The following PCDHGA2 variants were observed in gnomAD, a reference collection of about 807,000 sequenced individuals.
PCDHGA2 encodes the protein protocadherin gamma-A2.
Under a neutral mutation model 59.2 loss-of-function variants are expected in PCDHGA2, and 40 were observed. That is an observed-to-expected ratio of 0.68 (90% CI 0.52 to 0.88). The LOEUF (loss-of-function observed/expected upper bound fraction) is 0.88, where lower values mean the gene tolerates loss of function less well. Ranked by LOEUF, PCDHGA2 falls within the 40% of genes least tolerant of loss-of-function variation. PCDHGA2 has a pLI of 0.00. For synonymous variants in PCDHGA2, 560 were observed against 526.0 expected (o/e 1.06, Z -0.89); for missense variants, 1,226 against 1,204.0 (o/e 1.02, Z -0.27).
At chr5:141,390,432 C>A in intron 1 of PCDHGA2, 2 of 985,350 alleles carry the variant, frequency 2.0e-6, no homozygotes, top group Admixed American at 2.8e-5. Context: ...GCTGTCATAT[C>A]ATTCTACAAA....
rs1253651725 is a variant in PCDHGA2, at chr5:141,340,535, T to A, written c.1564T>A (p.Tyr522Asn). The A allele has an allele frequency of 6.2e-7, 1 of 1,614,092 alleles. No individual in the cohort carries two copies. Among genetic ancestry groups the A allele is most frequent in the East Asian group, 2.2e-5 (1 of 44,882 alleles). The change falls in exon 1 of 4, where the codon TAT (tyrosine) becomes AAT (asparagine). Residue 522 changes from tyrosine (Y) to asparagine (N), a missense_variant. Coordinates refer to ENST00000394576, the MANE Select transcript of PCDHGA2 (RefSeq NM_018915.4). ...GVLYALRSFD[Y>N]EQLRDLQVWV... Reference sequence around the variant, plus strand: ...ACTCTATGCACTGCGCTCCTTTGATTATGAGCAGTTGCGAGACTTGCAAGT... The same window carrying A: ...ACTCTATGCACTGCGCTCCTTTGATAATGAGCAGTTGCGAGACTTGCAAGT...
chr5:141,373,897 C>T, intron 1 of PCDHGA2: 1 of 537,056 alleles, frequency 1.9e-6, no homozygotes, highest in Non-Finnish European at 3.1e-6. Flanking sequence ...ACTCAAGTTA[C>T]ATCCTCCAAC....
intron 1 of PCDHGA2, among the ~76,000 whole-genome samples, chr5:141,481,700 T>C (rs1283509788): frequency 2.0e-5 from 3 of 152,034 alleles, no homozygotes; most frequent in Non-Finnish European, 4.4e-5. Context: ...ACGCCTGTAA[T>C]CCCAGCACTT....
chr5:141,454,351 C>T (rs1406631649), intron 1 of PCDHGA2, among the ~76,000 whole-genome samples: 2 of 152,152 alleles, frequency 1.3e-5, no homozygotes, highest in Non-Finnish European at 2.9e-5. Flanking sequence ...GAAGTTGATC[C>T]AAACTTAGAA....
At chr5:141,347,177 T>TTCTC (rs1363306035) in intron 1 of PCDHGA2, among the ~76,000 whole-genome samples, 31 of 147,210 alleles carry the variant, frequency 2.1e-4, no homozygotes, top group African/African-American at 7.5e-4. Context: ...CTTTCTTTCT[T>TTCTC]TCTTGACAGG....
intron 1 of PCDHGA2, chr5:141,362,510 A>C: frequency 6.2e-7 from 1 of 1,613,948 alleles, no homozygotes; most frequent in Non-Finnish European, 8.5e-7. Flanking sequence ...CAAAATACAA[A>C]TCATGGAGCC....
chr5:141,459,315 T>A (rs2154566534), intron 1 of PCDHGA2, among the ~76,000 whole-genome samples: 1 of 152,362 alleles, frequency 6.6e-6, no homozygotes, highest in Non-Finnish European at 1.5e-5. Flanking sequence ...CTATTTTGTA[T>A]CCATCTTCTT....
intron 1 of PCDHGA2, chr5:141,374,914 A>G: frequency 6.2e-7 from 1 of 1,613,906 alleles, no homozygotes; most frequent in African/African-American, 1.3e-5. Context: ...ACGGGGAAGT[A>G]ACTTATTCCT....
rs1456176347 is a variant in PCDHGA2 at position 141,510,961 on chromosome 5, A to G, written c.2587A>G (p.Ser863Gly). 2 of 1,613,986 alleles carry G rather than the reference A, an allele frequency of 1.2e-6. No individual in the cohort carries two copies. Among genetic ancestry groups the G allele is most frequent in the Non-Finnish European group, 1.7e-6 (2 of 1,179,962 alleles). ...TGTCTCTGCAGAAGCTGCTGATGGG[A>G]GCTCCACCCTGGGAGGGGGTGCCGG... is the stretch of plus-strand genomic sequence containing the variant. Reference protein sequence around the residue: ...LASASEAADGSSTLGGGAGTM... With the variant: ...LASASEAADGGSTLGGGAGTM... Residue 863 changes from serine (S) to glycine (G), a missense_variant, in exon 4 of 4, where the codon AGC (serine) becomes GGC (glycine). Physicochemically the swap from Ser to Gly is moderately conservative, Grantham distance 56. Coordinates refer to ENST00000394576, the MANE Select transcript of PCDHGA2 (RefSeq NM_018915.4).
intron 1 of PCDHGA2, chr5:141,344,197 A>T (rs1209255886): frequency 6.2e-7 from 1 of 1,614,016 alleles, no homozygotes; most frequent in Non-Finnish European, 8.5e-7. Context: ...CTGGGGCTAG[A>T]GCCCCGGGAG....
At position 141,359,348 on chromosome 5, in the gene PCDHGA2, T is replaced by C. The variant is rs193044615; in HGVS notation, c.2424+17953T>C. 4.0e-3 allele frequency among the ~76,000 whole-genome samples: 616 copies of C among 152,208 alleles called. 6 individuals carry two copies. The highest frequency in any genetic ancestry group is 0.011 in the Admixed American group (172 of 15,282). On this transcript the variant is annotated intron_variant, in intron 1 of 3. Transcript: ENST00000394576. ...TATATTCCAGAATGAGAGTGCCACA[T>C]GTTTTAAAGGCCTAGGAAAGCAGTA...
In PCDHGA2 at chr5:141,432,212, G is replaced by T. The variant is rs2097468822; in HGVS notation, c.2425-62595G>T. 8 of 1,614,184 alleles carry T rather than the reference G, an allele frequency of 5.0e-6. No homozygotes were observed. In the East Asian group the frequency reaches 1.3e-4, roughly 27 times the overall value. ...CCACGACCCCGACTGTGAAGAGAAC[G>T]CCCAGATCACTTATTCCCTGGCTGA... On this transcript the variant is annotated intron_variant, in intron 1 of 3. Transcript: ENST00000394576. The surrounding 1 kb of genome is among the most constrained non-coding windows in gnomAD (Gnocchi z 6.0).
chr5:141,354,185 T>C (rs943289556), intron 1 of PCDHGA2, among the ~76,000 whole-genome samples: 2 of 152,268 alleles, frequency 1.3e-5, no homozygotes, highest in African/African-American at 2.4e-5. Context: ...ATCTGCACTT[T>C]ATAGTTATTC....
In PCDHGA2 at chr5:141,375,737, G is replaced by C. The variant is rs373966789; in HGVS notation, c.2424+34342G>C. 19 of 1,614,262 alleles carry C rather than the reference G, an allele frequency of 1.2e-5. No homozygotes were observed. In the African/African-American group the frequency reaches 2.0e-4, roughly 17 times the overall value. Reference sequence around the variant, plus strand: ...CAGCAACGTGTCACTGAGCCTGTTTGTGCTGGACCAGAATGACAATGCGCC... The same window carrying C: ...CAGCAACGTGTCACTGAGCCTGTTTCTGCTGGACCAGAATGACAATGCGCC... On this transcript the variant is annotated intron_variant, in intron 1 of 3. Coordinates refer to ENST00000394576, the MANE Select transcript of PCDHGA2 (RefSeq NM_018915.4).
chr5:141,375,570 T>C, intron 1 of PCDHGA2: 2 of 1,614,014 alleles, frequency 1.2e-6, no homozygotes, highest in Non-Finnish European at 1.7e-6. Context: ...GAAGACACCC[T>C]CCAGGGGGCG....
chr5:141,406,331 C>T lies in PCDHGA2; in HGVS notation c.2424+64936C>T, dbSNP rs577134835. 6.6e-5 allele frequency among the ~76,000 whole-genome samples: 10 copies of T among 152,002 alleles called. No homozygotes were observed. In the East Asian group the frequency reaches 1.3e-3, roughly 21 times the overall value. ...CTCACCCAGCAAATTCTTACTCCTA[C>T]GATCATTTATTCAGGTCATACTATG... On this transcript the variant is annotated intron_variant, in intron 1 of 3. Coordinates refer to ENST00000394576, the MANE Select transcript of PCDHGA2 (RefSeq NM_018915.4).
At chr5:141,421,354 G>T in intron 1 of PCDHGA2, 2 of 1,613,980 alleles carry the variant, frequency 1.2e-6, no homozygotes, top group Non-Finnish European at 1.7e-6. Context: ...GACCGAAAAG[G>T]GCTCCTTCGT....
chr5:141,449,830 T>G (rs1316368063), intron 1 of PCDHGA2, among the ~76,000 whole-genome samples: 1 of 151,724 alleles, frequency 6.6e-6, no homozygotes, highest in Non-Finnish European at 1.5e-5. Flanking sequence ...AAGGACATTC[T>G]TTTATATAAT....
intron 1 of PCDHGA2, chr5:141,346,324 G>T: frequency 6.2e-7 from 1 of 1,614,166 alleles, no homozygotes; most frequent in South Asian, 1.1e-5. Context: ...GCGGACTCGC[G>T]GAAGAGCCAC....
Sources: gnomAD v4.1 joint callset for allele counts (sites outside exome capture counted in the v4.1 genomes callset) on GRCh38, gnomAD v4.1.1 for gene constraint, Gnocchi (gnomAD v3.1) non-coding constraint, MANE v1.5 for transcripts, NCBI Gene and HGNC (gene_info 2026-07-23, HGNC 2026-07-21) for gene names.